Variants in OSBPL5 observed in about 807,000 individuals in gnomAD.
OSBPL5 encodes oxysterol-binding protein-related protein 5.
Under a neutral mutation model 111.2 loss-of-function variants are expected in OSBPL5, and 71 were observed. The ratio of observed to expected loss-of-function variants is 0.64; its 90% CI spans 0.53 to 0.78. The LOEUF (loss-of-function observed/expected upper bound fraction) is 0.78, where lower values mean the gene tolerates loss of function less well. Among genes scored for constraint, OSBPL5 ranks in the 30% least tolerant of loss-of-function variants. The pLI, the probability that OSBPL5 is intolerant of heterozygous loss-of-function variation, is 0.00. For missense variants in OSBPL5, 1,210 were observed against 1,189.3 expected (o/e 1.02, Z -0.26); for synonymous variants, 549 against 513.9 (o/e 1.07, Z -0.93).
rs1336606889 is a variant in OSBPL5 at position 3,165,245 on chromosome 11, G to C, written c.-51C>G. 3.3e-5 allele frequency: 5 copies of C among 150,998 alleles called. No individual in the cohort carries two copies. Among genetic ancestry groups the C allele is most frequent in the Admixed American group, 3.3e-4 (5 of 15,168 alleles). 9.4% of individuals were successfully genotyped at this position (150,998 alleles called of 1,614,324 possible). A position where few individuals can be genotyped will look rare whatever the true frequency, so the allele number is the denominator to read the frequency against. ...TACCGTGCCGCGAGCTCGGTGCTCC[G>C]GGCCGGCCGGGCGCGCGGGGGCTCC... On this transcript the variant is annotated 5_prime_UTR_variant, in exon 1 of 22. Transcript: ENST00000263650. The surrounding 1 kb of genome is among the most constrained non-coding windows in gnomAD (Gnocchi z 7.4).
intron 1 of OSBPL5, among the ~76,000 whole-genome samples, chr11:3,135,550 C>A (rs1472483578): frequency 2.6e-5 from 4 of 151,804 alleles, no homozygotes; most frequent in Admixed American, 6.5e-5. Context: ...CCCCAGCACC[C>A]TCCTCCAGGC....
chr11:3,091,409 C>T (rs1304016051), intron 19 of OSBPL5, among the ~76,000 whole-genome samples: 3 of 152,022 alleles, frequency 2.0e-5, no homozygotes, highest in Admixed American at 6.6e-5. Flanking sequence ...GGGTCAGAGG[C>T]GGGGCAGGTG....
intron 1 of OSBPL5, among the ~76,000 whole-genome samples, chr11:3,151,085 G>A (rs569957647): frequency 6.6e-6 from 1 of 152,260 alleles, no homozygotes; most frequent in Admixed American, 6.5e-5. Flanking sequence ...CAGGGGAGGA[G>A]ACACAGACAG....
At chr11:3,108,293 G>A (rs952740427) in intron 7 of OSBPL5, among the ~76,000 whole-genome samples, 2 of 148,044 alleles carry the variant, frequency 1.4e-5, no homozygotes, top group African/African-American at 4.9e-5. Context: ...CATTGCTGAC[G>A]AGGGGCTGGC....
At chr11:3,139,288 G>C (rs1316995243) in intron 1 of OSBPL5, among the ~76,000 whole-genome samples, 1 of 149,360 alleles carries the variant, frequency 6.7e-6, no homozygotes, top group Non-Finnish European at 1.5e-5. Context: ...TGTGCGGGAC[G>C]GGTGGCCCCG....
In OSBPL5 at chr11:3,130,545, G is replaced by C. The variant is rs1187315936; in HGVS notation, c.-21-1376C>G. ...GTGCCCCCAGTCCTGAAGTCAGAGT[G>C]GGGAGGGGCTCCAAGGATGCAGCCA... On this transcript the variant is annotated intron_variant, in intron 1 of 21. Coordinates refer to ENST00000263650, the MANE Select transcript of OSBPL5 (RefSeq NM_020896.4). The surrounding 1 kb of genome is among the most constrained non-coding windows in gnomAD (Gnocchi z 4.5). Among the ~76,000 whole-genome samples, 4 of 152,192 alleles carry C rather than the reference G, an allele frequency of 2.6e-5. No homozygotes were observed. In the East Asian group the frequency reaches 7.7e-4, roughly 29 times the overall value.
intron 7 of OSBPL5, 63 bp from the exon 8 acceptor site, chr11:3,108,008 G>T: frequency 6.4e-7 from 1 of 1,556,612 alleles, no homozygotes; most frequent in South Asian, 1.2e-5. Flanking sequence ...ATCCCCCAAG[G>T]GGCCACCAGG....
At chr11:3,091,340 A>C (rs1454622294) in intron 19 of OSBPL5, among the ~76,000 whole-genome samples, 2 of 152,188 alleles carry the variant, frequency 1.3e-5, no homozygotes, top group Non-Finnish European at 2.9e-5. Flanking sequence ...GGTGCCAGGG[A>C]CGCTCTGCAT....
chr11:3,088,272 G>A lies in OSBPL5; in HGVS notation c.2573C>T (p.Pro858Leu), dbSNP rs1465149937. ...QAPTPGLLQS[P>L]RSWFLLCVFL... ...CACGCAGAGCAGGAACCAGGATCGG[G>A]GGCTCTGCAGGAGGCCTGGGGTCGG... Residue 858 changes from proline to leucine, a missense_variant, in exon 22 of 22, where the codon CCC becomes CTC. Coordinates refer to ENST00000263650, the MANE Select transcript of OSBPL5 (RefSeq NM_020896.4). 6.2e-7 allele frequency: 1 copy of A among 1,608,754 alleles called. No homozygotes were observed. Among genetic ancestry groups the A allele is most frequent in the Non-Finnish European group, 8.5e-7 (1 of 1,177,748 alleles).
intron 1 of OSBPL5, among the ~76,000 whole-genome samples, chr11:3,157,093 G>A (rs1043723493): frequency 4.6e-5 from 7 of 152,244 alleles, no homozygotes; most frequent in African/African-American, 1.4e-4. Flanking sequence ...CGGTGCTTAC[G>A]GCCCAGGGCA....
chr11:3,138,228 C>T (rs980877604), intron 1 of OSBPL5, among the ~76,000 whole-genome samples: 1 of 152,206 alleles, frequency 6.6e-6, no homozygotes, highest in Non-Finnish European at 1.5e-5. Flanking sequence ...CGACCCCACA[C>T]CCCTGTAGTC....
intron 1 of OSBPL5, among the ~76,000 whole-genome samples, chr11:3,150,494 A>T (rs1024659771): frequency 1.3e-5 from 2 of 152,098 alleles, no homozygotes; most frequent in East Asian, 3.9e-4. Context: ...CTGGGCTGCC[A>T]TGTCAGCAGC....
chr11:3,124,307 C>G (rs952680913), intron 3 of OSBPL5, among the ~76,000 whole-genome samples: 1 of 152,102 alleles, frequency 6.6e-6, no homozygotes, highest in African/African-American at 2.4e-5. Context: ...AGATGGGGTG[C>G]CTGGGGGGCT....
chr11:3,126,714 A>T lies in OSBPL5; in HGVS notation c.137-159T>A. 1 of 540,590 alleles carries T rather than the reference A, an allele frequency of 1.8e-6. No homozygotes were observed. 33.5% of individuals were successfully genotyped at this position (540,590 alleles called of 1,614,324 possible). The stretch of plus-strand genomic sequence containing the variant: ...TGGCAGGAACAGGACACTGCCTGAG[A>T]GGTGTAATAAACGCCAGCAAGCGTC... On this transcript the variant is annotated intron_variant, in intron 2 of 21. Coordinates refer to ENST00000263650, the MANE Select transcript of OSBPL5 (RefSeq NM_020896.4). This position sits in a 1 kb window ranked among gnomAD's most constrained non-coding sequence, Gnocchi z 6.5.
Position 3,126,177 on chromosome 11 carries a change from C to T in OSBPL5, c.219+296G>A, listed in dbSNP as rs143427589. Among the ~76,000 whole-genome samples the T allele has an allele frequency of 1.3e-3, 192 of 152,296 alleles. No homozygotes were observed. Among genetic ancestry groups the T allele is most frequent in the African/African-American group, 4.4e-3 (183 of 41,550 alleles). On this transcript the variant is annotated intron_variant, in intron 3 of 21. Transcript: ENST00000263650. This position sits in a 1 kb window ranked among gnomAD's most constrained non-coding sequence, Gnocchi z 6.5. ...TATTATCCTGGAATTACCATGTGAC[C>T]TAGCAATTCCAATTACTCTAGGTTT...
chr11:3,150,587 C>T (rs75048411), intron 1 of OSBPL5, among the ~76,000 whole-genome samples: 15,829 of 152,230 alleles, frequency 0.1, 890 homozygotes, highest in Non-Finnish European at 0.13. Flanking sequence ...CAGAGGCCAG[C>T]GGCCTGTGGT....
chr11:3,090,640 G>T lies in OSBPL5; in HGVS notation c.2316C>A (p.Ser772Arg). ...TGGATCCGCTGCTCTCCGTGGCCTG[G>T]CTGTGGCCGGAGGGCTGGTCGCTGG... Reference protein sequence around the residue: ...RKASDQPSGHSQATESSGSTP... With the variant: ...RKASDQPSGHRQATESSGSTP... Residue 772 changes from serine to arginine, a missense_variant, in exon 20 of 22, where the codon AGC becomes AGA. By Grantham distance (110) the Ser-to-Arg change is moderately radical. Coordinates refer to ENST00000263650, the MANE Select transcript of OSBPL5 (RefSeq NM_020896.4). The T allele has an allele frequency of 6.2e-7, 1 of 1,612,800 alleles. No individual in the cohort carries two copies. The highest frequency in any genetic ancestry group is 8.5e-7 in the Non-Finnish European group (1 of 1,179,924).
chr11:3,087,965 G>C lies in OSBPL5; in HGVS notation c.*240C>G. 2.6e-6 allele frequency: 1 copy of C among 388,882 alleles called. No homozygotes were observed. Among genetic ancestry groups the C allele is most frequent in the Non-Finnish European group, 4.5e-6 (1 of 219,802 alleles). The allele number at this position is 388,882 out of a possible 1,614,324, so 24.1% of individuals were successfully genotyped here. A position where few individuals can be genotyped will look rare whatever the true frequency, so the allele number is the denominator to read the frequency against. ...GCGTCGCACAGCAGAAGCTGCATTT[G>C]GCTTTAGCATTAAGGCCAGCGCTGG... On this transcript the variant is annotated 3_prime_UTR_variant, in exon 22 of 22. Coordinates refer to ENST00000263650, the MANE Select transcript of OSBPL5 (RefSeq NM_020896.4).
rs1211351301 is a variant in OSBPL5, at chr11:3,120,120, G to C, written c.606+301C>G. On this transcript the variant is annotated intron_variant, in intron 6 of 21. Coordinates refer to ENST00000263650, the MANE Select transcript of OSBPL5 (RefSeq NM_020896.4). Reference sequence around the variant, plus strand: ...CCCCGGGTTAGGAGGGGTGAGGGCTGGGCGCTGTTCCTCGGCCACCCCTGG... The same window carrying C: ...CCCCGGGTTAGGAGGGGTGAGGGCTCGGCGCTGTTCCTCGGCCACCCCTGG... The C allele has an allele frequency of 7.6e-6, 4 of 526,356 alleles. No individual in the cohort carries two copies. The African/African-American group carries it at 7.6e-5, about 10-fold the overall frequency. The allele number at this position is 526,356 out of a possible 1,614,324, so 32.6% of individuals were successfully genotyped here. A position where few individuals can be genotyped will look rare whatever the true frequency, so the allele number is the denominator to read the frequency against.
Sources: allele counts gnomAD v4.1 joint callset (sites outside exome capture counted in the v4.1 genomes callset), GRCh38; gene constraint gnomAD v4.1.1; non-coding constraint Gnocchi (gnomAD v3.1); transcripts MANE v1.5; gene names NCBI Gene and HGNC (gene_info 2026-07-23, HGNC 2026-07-21).